Variants in CERK observed in about 807,000 individuals in gnomAD.
CERK encodes the protein ceramide kinase.
Under a neutral mutation model 63.4 loss-of-function variants are expected in CERK, and 39 were observed. The ratio of observed to expected loss-of-function variants is 0.61; its 90% CI spans 0.48 to 0.80. CERK has a LOEUF of 0.80. Among genes scored for constraint, CERK ranks in the 30% least tolerant of loss-of-function variants. The pLI is 0.00. For synonymous variants in CERK, 302 were observed against 280.0 expected (o/e 1.08, Z -0.78); for missense variants, 670 against 714.1 (o/e 0.94, Z 0.70).
intron 1 of CERK, among the ~76,000 whole-genome samples, chr22:46,737,291 C>CAAAAAAAAAAAAAAAAAAAAAAAAA: frequency 1.4e-5 from 1 of 69,346 alleles, no homozygotes; most frequent in East Asian, 4.3e-4. Context: ...CACTCCGACT[C>CAAAAAAAAAAAAAAAAAAAAAAAAA]AAAAAAAAAA....
At chr22:46,689,471 A>G (rs1490674216) in intron 12 of CERK, among the ~76,000 whole-genome samples, 2 of 152,196 alleles carry the variant, frequency 1.3e-5, no homozygotes, top group Non-Finnish European at 2.9e-5. Context: ...CCTGGGTTCA[A>G]GCGACTCTCC....
At chr22:46,699,203 GCAGGTGGGGGCC>G in intron 8 of CERK, 98 bp downstream of exon 8, 1 of 1,106,118 alleles carries the variant, frequency 9.0e-7, no homozygotes, top group South Asian at 1.4e-5. Flanking sequence ...CCGTCTGTGA[GCAGGTGGGGGCC>G]CACCTCTGAC....
At chr22:46,713,303 G>A (rs1303846269) in intron 3 of CERK, among the ~76,000 whole-genome samples, 1 of 150,934 alleles carries the variant, frequency 6.6e-6, no homozygotes, top group African/African-American at 2.4e-5. Context: ...AGGAGATCGG[G>A]ACCATCCTGG....
chr22:46,727,046 T>C (rs570247431), intron 1 of CERK, among the ~76,000 whole-genome samples: 11 of 152,222 alleles, frequency 7.2e-5, no homozygotes, highest in Non-Finnish European at 1.3e-4. Context: ...CATGCAAATC[T>C]AACAAAGAAA....
intron 3 of CERK, 104 bp downstream of exon 3, chr22:46,719,982 A>C: frequency 3.9e-5 from 54 of 1,390,942 alleles, no homozygotes; most frequent in Non-Finnish European, 4.6e-5. Context: ...CACCTGGGGT[A>C]TGGCCAGCTG....
In CERK at chr22:46,710,976, T is replaced by C. The variant is rs1037839706; in HGVS notation, c.569+110A>G. On this transcript the variant is annotated intron_variant, in intron 5 of 12. Transcript: ENST00000216264. ...GCATGTTTACTTTTACAATTGGTCGTGGGTGGAGGCGGGGGGCGGATTTAG... is the reference window on the plus strand; with the variant it reads ...GCATGTTTACTTTTACAATTGGTCGCGGGTGGAGGCGGGGGGCGGATTTAG... 8 of 796,846 alleles carry C rather than the reference T, an allele frequency of 1.0e-5. No homozygotes were observed. In the Admixed American group the frequency reaches 1.8e-4, roughly 18 times the overall value. The allele number at this position is 796,846 out of a possible 1,614,324, so 49.4% of individuals were successfully genotyped here.
At chr22:46,715,482 GA>G (rs1330820681) in intron 3 of CERK, among the ~76,000 whole-genome samples, 1 of 152,158 alleles carries the variant, frequency 6.6e-6, no homozygotes, top group Admixed American at 6.5e-5. Flanking sequence ...GGGAAAACGA[GA>G]CTTTCCCGTA....
In CERK at chr22:46,731,725, C is replaced by CG. The variant is rs924179919; in HGVS notation, c.142+6281dup. On this transcript the variant is annotated intron_variant, in intron 1 of 12. Transcript: ENST00000216264. ...GCTGGGCTGGTGAGCACGTGTGCCC[C>CG]GGGAGCAGGTGGGGGCAGGGCCAGA... 2.6e-5 allele frequency among the ~76,000 whole-genome samples: 4 copies of CG among 152,100 alleles called. No homozygotes were observed. In the South Asian group the frequency reaches 8.3e-4, roughly 32 times the overall value.
intron 1 of CERK, among the ~76,000 whole-genome samples, chr22:46,726,246 C>T (rs1268757158): frequency 1.3e-5 from 2 of 152,352 alleles, no homozygotes; most frequent in East Asian, 1.9e-4. Context: ...AGAACAAGAG[C>T]GAGTTCCCAG....
At chr22:46,717,515 T>C (rs1045373376) in intron 3 of CERK, among the ~76,000 whole-genome samples, 2 of 152,148 alleles carry the variant, frequency 1.3e-5, no homozygotes, top group African/African-American at 4.8e-5. Flanking sequence ...GCCACCACGG[T>C]GGAAAACAGC....
intron 1 of CERK, among the ~76,000 whole-genome samples, chr22:46,722,520 C>T (rs115641955): frequency 0.01 from 1,542 of 150,428 alleles, 23 homozygotes; most frequent in African/African-American, 0.033. Flanking sequence ...CTCTCAGGGT[C>T]CCCACCCTCC....
chr22:46,711,364 C>T (rs973484537), intron 4 of CERK, among the ~76,000 whole-genome samples: 8 of 152,284 alleles, frequency 5.3e-5, no homozygotes, highest in Admixed American at 2.6e-4. Context: ...CCACAGTCTG[C>T]GCGATGACAT....
chr22:46,738,143 C>T lies in CERK; in HGVS notation c.6G>A (p.Gly2=). The T allele has an allele frequency of 2.5e-6, 3 of 1,202,920 alleles. No individual in the cohort carries two copies. The highest frequency in any genetic ancestry group is 3.1e-6 in the Non-Finnish European group (3 of 967,840). The allele number at this position is 1,202,920 out of a possible 1,614,324, so 74.5% of individuals were successfully genotyped here. A position where few individuals can be genotyped will look rare whatever the true frequency, so the allele number is the denominator to read the frequency against. Residue 2 remains glycine, a synonymous_variant, in exon 1 of 13, where the codon GGG becomes GGA. Coordinates refer to ENST00000216264, the MANE Select transcript of CERK (RefSeq NM_022766.6). M[G]ATGAAEPLQS... is the part of the protein sequence containing the mutation. ...GCAGCGGCTCCGCCGCCCCCGTCGC[C>T]CCCATCTCCGCCGCCGGGCTCGTCC...
At chr22:46,702,213 A>AT (rs1402611568) in intron 6 of CERK, among the ~76,000 whole-genome samples, 1 of 80,096 alleles carries the variant, frequency 1.2e-5, no homozygotes, top group African/African-American at 5.4e-5. Flanking sequence ...AAAGTTAAAA[A>AT]AATATATATA....
chr22:46,693,343 G>T, intron 10 of CERK, 84 bp downstream of exon 10: 1 of 1,092,784 alleles, frequency 9.2e-7, no homozygotes, highest in Non-Finnish European at 1.4e-6. Flanking sequence ...TGGGCAGGGA[G>T]AAGAGGCAGT....
Position 46,720,887 on chromosome 22 carries a change from A to AT in CERK, c.256+14dup. The stretch of plus-strand genomic sequence containing the variant: ...ATTAATGAAGAATGTGGGAGAAGAC[A>AT]TTTAGGCTTATCACCTGTAAAAGCG... On this transcript the variant is annotated intron_variant, in intron 2 of 12. Transcript: ENST00000216264. 1 of 1,479,200 alleles carries AT rather than the reference A, an allele frequency of 6.8e-7. No homozygotes were observed. The highest frequency in any genetic ancestry group is 9.5e-7 in the Non-Finnish European group (1 of 1,057,274). The allele number at this position is 1,479,200 out of a possible 1,614,324, so 91.6% of individuals were successfully genotyped here.
At chr22:46,710,237 C>G (rs529871752) in intron 5 of CERK, among the ~76,000 whole-genome samples, 280 of 152,204 alleles carry the variant, frequency 1.8e-3, no homozygotes, top group South Asian at 7.5e-3. Flanking sequence ...AGTTCGAGAC[C>G]AGCCTGGCCA....
Position 46,693,464 on chromosome 22 carries a change from C to T in CERK, c.1089G>A (p.Glu363=). The T allele has an allele frequency of 6.2e-7, 1 of 1,614,184 alleles. No individual in the cohort carries two copies. Among genetic ancestry groups the T allele is most frequent in the African/African-American group, 1.3e-5 (1 of 75,054 alleles). The stretch of plus-strand genomic sequence containing the variant: ...AACCATACAGTGCTTTCTTCTGCTC[C>T]TCCTCCAGCTGCTGCTTGCTTTGCC... ...VCRQSKQQLE[E]EQKKALYGLE... is the part of the protein sequence containing the mutation. The change falls in exon 10 of 13, where the codon GAG becomes GAA. Residue 363 remains glutamate, a synonymous_variant. Transcript: ENST00000216264.
At chr22:46,721,102 T>TAAAG in intron 1 of CERK, 87 bp from the exon 2 acceptor site, 3 of 857,522 alleles carry the variant, frequency 3.5e-6, no homozygotes, top group Non-Finnish European at 6.0e-6. Flanking sequence ...CTGAGAATAT[T>TAAAG]CTGCTTTAAT....
Sources: allele counts gnomAD v4.1 joint callset (sites outside exome capture counted in the v4.1 genomes callset), GRCh38; gene constraint gnomAD v4.1.1; transcripts MANE v1.5; gene names NCBI Gene and HGNC (gene_info 2026-07-23, HGNC 2026-07-21).